Variants in PPP1R1C observed in about 807,000 individuals in gnomAD.
The protein encoded by PPP1R1C is protein phosphatase 1 regulatory subunit 1C.
A neutral mutation model predicts 17.4 loss-of-function variants in PPP1R1C; 15 were observed. That is an observed-to-expected ratio of 0.86 (90% CI 0.58 to 1.33). The LOEUF is 1.33. Ranked by LOEUF, PPP1R1C falls within the 40% of genes most tolerant of loss-of-function variation. The pLI, the probability that PPP1R1C is intolerant of heterozygous loss-of-function variation, is 0.00. For synonymous variants in PPP1R1C, 35 were observed against 43.1 expected, an observed-to-expected ratio of 0.81 and a Z score of 0.73; for missense variants, 143 against 130.0, an observed-to-expected ratio of 1.10 and a Z score of -0.48.
downstream of PPP1R1C, among the ~76,000 whole-genome samples, chr2:182,122,076 G>C (rs1037724394): frequency 6.6e-6 from 1 of 152,128 alleles, no homozygotes; most frequent in Non-Finnish European, 1.5e-5. Context: ...ATAAGTTAGG[G>C]GTTATTTTTC....
At chr2:182,117,083 T>C (rs1689605860) in intron 4 of PPP1R1C, 124 bp from the exon 5 acceptor site, 1 of 711,100 alleles carries the variant, frequency 1.4e-6, no homozygotes, top group Non-Finnish European at 2.4e-6. Context: ...GTTAAGATTC[T>C]TGGAGAAAAA....
At chr2:182,047,390 TA>T (rs1394354385) in intron 2 of PPP1R1C, among the ~76,000 whole-genome samples, 1 of 152,198 alleles carries the variant, frequency 6.6e-6, no homozygotes, top group Non-Finnish European at 1.5e-5. Context: ...CAACATTGCC[TA>T]AAACATCTAA....
intron 4 of PPP1R1C, among the ~76,000 whole-genome samples, chr2:182,111,250 T>C (rs888720419): frequency 6.6e-6 from 1 of 152,196 alleles, no homozygotes; most frequent in Non-Finnish European, 1.5e-5. Flanking sequence ...AACATACTTA[T>C]GAATAGCACA....
intron 2 of PPP1R1C, among the ~76,000 whole-genome samples, chr2:182,014,675 G>T (rs1329950703): frequency 1.3e-5 from 2 of 151,590 alleles, no homozygotes; most frequent in Non-Finnish European, 2.9e-5. Context: ...AATGTTGTCT[G>T]GGAGCCAGAG....
At chr2:182,065,674 T>C (rs2125200271) in intron 4 of PPP1R1C, among the ~76,000 whole-genome samples, 1 of 152,186 alleles carries the variant, frequency 6.6e-6, no homozygotes, top group East Asian at 1.9e-4. Flanking sequence ...GGCATTATGA[T>C]TATGCCTGTG....
chr2:182,087,237 T>C (rs1420596487), intron 4 of PPP1R1C, among the ~76,000 whole-genome samples: 3 of 152,216 alleles, frequency 2.0e-5, no homozygotes, highest in Non-Finnish European at 4.4e-5. Context: ...TCAGAGTGAT[T>C]CTTTATAGTC....
chr2:182,012,716 T>TAA (rs1279984210), intron 2 of PPP1R1C, among the ~76,000 whole-genome samples: 1 of 152,098 alleles, frequency 6.6e-6, no homozygotes, highest in African/African-American at 2.4e-5. Context: ...AAGGTGATTT[T>TAA]TCTCTGGTAG....
intron 2 of PPP1R1C, among the ~76,000 whole-genome samples, chr2:181,990,941 C>A (rs770575878): frequency 6.6e-6 from 1 of 152,176 alleles, no homozygotes; most frequent in Non-Finnish European, 1.5e-5. Context: ...TTGGACTCAC[C>A]TGTCATTAAT....
rs1688534481 is a variant in PPP1R1C at position 182,083,281 on chromosome 2, T to G, written c.241+19490T>G. On this transcript the variant is annotated intron_variant, in intron 4 of 4. Coordinates refer to ENST00000682840, the MANE Select transcript of PPP1R1C (RefSeq NM_001080545.3). ...ATTTTTATTTCAATAGTTTTAGAGG[T>G]ACAGGTGGTTTTTGGTTACACGGAT... is the stretch of plus-strand genomic sequence containing the variant. Among the ~76,000 whole-genome samples, 6 of 152,190 alleles carry G rather than the reference T, an allele frequency of 3.9e-5. No individual in the cohort carries two copies. The South Asian group carries it at 1.2e-3, about 32-fold the overall frequency.
At chr2:182,073,153 A>T (rs1478409166) in intron 4 of PPP1R1C, among the ~76,000 whole-genome samples, 3 of 151,998 alleles carry the variant, frequency 2.0e-5, no homozygotes, top group African/African-American at 4.8e-5. Context: ...CCTTCCTGCC[A>T]GTTCTAAATC....
intron 4 of PPP1R1C, among the ~76,000 whole-genome samples, chr2:182,076,491 G>C (rs957741526): frequency 4.6e-5 from 7 of 151,648 alleles, no homozygotes; most frequent in African/African-American, 1.7e-4. Context: ...TGTTATTGAA[G>C]AAATAATATA....
At chr2:181,998,662 G>A (rs1153738) in intron 2 of PPP1R1C, among the ~76,000 whole-genome samples, 37,242 of 152,074 alleles carry the variant, frequency 0.24, 5,093 homozygotes, top group Admixed American at 0.4. Flanking sequence ...TATTTTTGTG[G>A]AGGGCTCATA....
chr2:182,033,996 A>G (rs1029140862), intron 2 of PPP1R1C, among the ~76,000 whole-genome samples: 29 of 152,214 alleles, frequency 1.9e-4, no homozygotes, highest in African/African-American at 7.0e-4. Context: ...CAGGTTTAGA[A>G]TCAAGAAGGC....
At chr2:182,088,874 T>G (rs1688704359) in intron 4 of PPP1R1C, among the ~76,000 whole-genome samples, 1 of 152,240 alleles carries the variant, frequency 6.6e-6, no homozygotes, top group African/African-American at 2.4e-5. Context: ...AATCATTCCC[T>G]GGTGCACGCA....
chr2:182,066,725 G>A (rs977578905), intron 4 of PPP1R1C, among the ~76,000 whole-genome samples: 1 of 152,088 alleles, frequency 6.6e-6, no homozygotes, highest in Admixed American at 6.6e-5. Flanking sequence ...GTGTAATATT[G>A]TGTTTCATGA....
chr2:182,080,000 A>C lies in PPP1R1C; in HGVS notation c.241+16209A>C, dbSNP rs148422667. ...TACATCTGCAAAGGCCTTATTTTCA[A>C]ATAAGGTCACATTCTGATGTTCCAA... On this transcript the variant is annotated intron_variant, in intron 4 of 4. Coordinates refer to ENST00000682840, the MANE Select transcript of PPP1R1C (RefSeq NM_001080545.3). Among the ~76,000 whole-genome samples the C allele has an allele frequency of 2.3e-3, 344 of 152,284 alleles. 1 individual carries two copies. Among genetic ancestry groups the C allele is most frequent in the African/African-American group, 7.4e-3 (306 of 41,546 alleles).
intron 1 of PPP1R1C, among the ~76,000 whole-genome samples, chr2:181,974,816 C>T (rs1685068012): frequency 6.6e-6 from 1 of 152,212 alleles, no homozygotes; most frequent in Non-Finnish European, 1.5e-5. Flanking sequence ...CTGCCTGGAA[C>T]TACCTGATTT....
upstream of PPP1R1C, among the ~76,000 whole-genome samples, chr2:181,980,928 T>TG (rs1553500225): frequency 9.0e-5 from 11 of 121,658 alleles, no homozygotes; most frequent in Non-Finnish European, 3.4e-5. Context: ...TAAGGAGAAG[T>TG]TTTTTTTTTT....
chr2:182,040,703 G>A (rs1290420574), intron 2 of PPP1R1C, among the ~76,000 whole-genome samples: 1 of 152,090 alleles, frequency 6.6e-6, no homozygotes, highest in Non-Finnish European at 1.5e-5. Context: ...ATTTGCTTTT[G>A]AGGTCTTAGT....
Sources: allele counts gnomAD v4.1 joint callset (sites outside exome capture counted in the v4.1 genomes callset), GRCh38; gene constraint gnomAD v4.1.1; transcripts MANE v1.5; gene names NCBI Gene and HGNC (gene_info 2026-07-23, HGNC 2026-07-21).